CPNE5: variants seen among roughly 807,000 people sequenced by gnomAD.
CPNE5 encodes the protein copine 5, also known as copine-5.
Under a neutral mutation model 81.1 loss-of-function variants are expected in CPNE5, and 42 were observed. That is an observed-to-expected ratio of 0.52 (90% CI 0.40 to 0.67). CPNE5 has a LOEUF of 0.67. Ranked by LOEUF, CPNE5 falls within the 30% of genes least tolerant of loss-of-function variation. CPNE5 has a pLI of 0.00. For missense variants in CPNE5, 612 were observed against 815.5 expected (o/e 0.75, Z 3.04); for synonymous variants, 313 against 321.5 (o/e 0.97, Z 0.28).
At chr6:36,803,335 C>A (rs898226650) in intron 3 of CPNE5, among the ~76,000 whole-genome samples, 8 of 152,170 alleles carry the variant, frequency 5.3e-5, no homozygotes, top group African/African-American at 1.9e-4. Context: ...ACTCCCCACC[C>A]CTCCTGTGTG....
At chr6:36,824,757 GCCA>G (rs1446304128) in intron 1 of CPNE5, among the ~76,000 whole-genome samples, 4 of 152,114 alleles carry the variant, frequency 2.6e-5, no homozygotes, top group African/African-American at 9.7e-5. Context: ...GACCAGCCTG[GCCA>G]ACATGGTGAA....
intron 10 of CPNE5, 112 bp from the exon 11 acceptor site, chr6:36,765,488 G>A: frequency 1.6e-6 from 2 of 1,266,422 alleles, no homozygotes; most frequent in Non-Finnish European, 2.2e-6. Context: ...CTCCCTCTGG[G>A]CCCCAGGGCC....
chr6:36,753,988 C>G (rs1162848629), intron 13 of CPNE5, among the ~76,000 whole-genome samples: 1 of 152,166 alleles, frequency 6.6e-6, no homozygotes, highest in Non-Finnish European at 1.5e-5. Context: ...AGAGCACCAC[C>G]CTTACTTGGC....
At chr6:36,782,686 T>C (rs1768135173) in intron 8 of CPNE5, among the ~76,000 whole-genome samples, 1 of 151,626 alleles carries the variant, frequency 6.6e-6, no homozygotes, top group Admixed American at 6.6e-5. Context: ...CCCAGCTACT[T>C]GGGAAGCTGA....
chr6:36,764,487 C>G (rs1300655494), intron 11 of CPNE5, among the ~76,000 whole-genome samples: 1 of 152,168 alleles, frequency 6.6e-6, no homozygotes, highest in African/African-American at 2.4e-5. Context: ...CCAGCGGACA[C>G]TGGGGGACCT....
rs1004645870 is a variant in CPNE5, at chr6:36,746,037, C to T, written c.1200+359G>A. ...TGCTCCACATCACCCTGGAGATCCA[C>T]GTCATCCCATCTCAGCACTGACTCA... On this transcript the variant is annotated intron_variant, in intron 16 of 20. Coordinates refer to ENST00000244751, the MANE Select transcript of CPNE5 (RefSeq NM_020939.2). This position sits in a 1 kb window ranked among gnomAD's most constrained non-coding sequence, Gnocchi z 4.5. 2 of 346,784 alleles carry T rather than the reference C, an allele frequency of 5.8e-6. No individual in the cohort carries two copies. Among genetic ancestry groups the T allele is most frequent in the African/African-American group, 2.2e-5 (1 of 44,566 alleles). 21.5% of individuals were successfully genotyped at this position (346,784 alleles called of 1,614,324 possible).
chr6:36,796,325 T>C (rs1006028597), intron 6 of CPNE5, among the ~76,000 whole-genome samples: 3 of 152,206 alleles, frequency 2.0e-5, no homozygotes, highest in Non-Finnish European at 4.4e-5. Context: ...TCTCCCTCAA[T>C]ACTCCCCCAC....
At position 36,746,247 on chromosome 6, in the gene CPNE5, GC is replaced by G; in HGVS notation, c.1200+148del. On this transcript the variant is annotated intron_variant, in intron 16 of 20. Transcript: ENST00000244751. The surrounding 1 kb of genome is among the most constrained non-coding windows in gnomAD (Gnocchi z 4.5). ...TCAGGGAAGGGAGTGGATTTCTGGAGCCCCCCTACACACAGCAGGCAGTCTA... is the reference window on the plus strand; with the variant it reads ...TCAGGGAAGGGAGTGGATTTCTGGAGCCCCCTACACACAGCAGGCAGTCTA... 7.2e-7 allele frequency: 1 copy of G among 1,384,780 alleles called. No homozygotes were observed. The highest frequency in any genetic ancestry group is 9.3e-7 in the Non-Finnish European group (1 of 1,075,312). 85.8% of individuals were successfully genotyped at this position (1,384,780 alleles called of 1,614,324 possible). A position where few individuals can be genotyped will look rare whatever the true frequency, so the allele number is the denominator to read the frequency against.
Position 36,746,224 on chromosome 6 carries a change from A to G in CPNE5, c.1200+172T>C, listed in dbSNP as rs1459122150. ...ACATGGAGGGGCAGCATCTGTGATC[A>G]GGGAAGGGAGTGGATTTCTGGAGCC... On this transcript the variant is annotated intron_variant, in intron 16 of 20. Coordinates refer to ENST00000244751, the MANE Select transcript of CPNE5 (RefSeq NM_020939.2). The surrounding 1 kb of genome is among the most constrained non-coding windows in gnomAD (Gnocchi z 4.5). The G allele has an allele frequency of 2.0e-6, 2 of 985,114 alleles. No homozygotes were observed. Among genetic ancestry groups the G allele is most frequent in the African/African-American group, 1.7e-5 (1 of 57,224 alleles). 61.0% of individuals were successfully genotyped at this position (985,114 alleles called of 1,614,324 possible).
intron 14 of CPNE5, among the ~76,000 whole-genome samples, chr6:36,750,236 A>G (rs1045519070): frequency 6.6e-6 from 1 of 152,216 alleles, no homozygotes; most frequent in South Asian, 2.1e-4. Context: ...GAAGGTGCCT[A>G]TCAGAAACCA....
intron 20 of CPNE5, chr6:36,743,209 T>G: frequency 1.0e-6 from 1 of 985,422 alleles, no homozygotes; most frequent in Non-Finnish European, 1.2e-6. Context: ...GAGGGTGCAT[T>G]CTTCCACGTG....
chr6:36,839,803 A>G (rs1773857183), upstream of CPNE5: 2 of 147,800 alleles, frequency 1.4e-5, no homozygotes, highest in African/African-American at 5.1e-5. This position sits in a 1 kb window ranked among gnomAD's most constrained non-coding sequence, Gnocchi z 7.3. Context: ...GGGCGTGAGG[A>G]GCGGGAGGCG....
intron 20 of CPNE5, chr6:36,743,176 G>A: frequency 2.0e-6 from 2 of 985,436 alleles, no homozygotes; most frequent in Non-Finnish European, 2.4e-6. Flanking sequence ...CTCTGCAGGG[G>A]ATGAGTGGGG....
chr6:36,838,307 C>A (rs771548028), intron 1 of CPNE5, among the ~76,000 whole-genome samples: 1 of 152,176 alleles, frequency 6.6e-6, no homozygotes. Flanking sequence ...GAAATGCTGT[C>A]GGTGATCTGG....
At chr6:36,830,438 G>A (rs1014231595) in intron 1 of CPNE5, among the ~76,000 whole-genome samples, 1 of 152,172 alleles carries the variant, frequency 6.6e-6, no homozygotes, top group Admixed American at 6.5e-5. Context: ...GAGGAGAGAA[G>A]CCTTGGCACC....
Position 36,787,729 on chromosome 6 carries a change from A to G in CPNE5, c.528+4304T>C, listed in dbSNP as rs116698615. ...CGCTGGTGACACCTAAGGGGTGGGG[A>G]GGCCCCCGGGGCAGTTATGGTGTGA... On this transcript the variant is annotated intron_variant, in intron 8 of 20. Coordinates refer to ENST00000244751, the MANE Select transcript of CPNE5 (RefSeq NM_020939.2). Among the ~76,000 whole-genome samples, 284 of 152,264 alleles carry G rather than the reference A, an allele frequency of 1.9e-3. 1 individual carries two copies. The highest frequency in any genetic ancestry group is 6.7e-3 in the African/African-American group (277 of 41,566).
chr6:36,792,338 C>T, intron 7 of CPNE5: 2 of 1,521,914 alleles, frequency 1.3e-6, no homozygotes, highest in Admixed American at 4.0e-5. Context: ...CGAGAGCCCA[C>T]CAGGAAGGGT....
intron 12 of CPNE5, chr6:36,757,419 G>A: frequency 1.0e-6 from 1 of 961,822 alleles, no homozygotes; most frequent in Non-Finnish European, 1.2e-6. Context: ...CCAGCAAGAA[G>A]GAAACTAAAG....
At chr6:36,779,150 G>A (rs1462631326) in intron 8 of CPNE5, among the ~76,000 whole-genome samples, 193 bp from the exon 9 acceptor site, 5 of 152,198 alleles carry the variant, frequency 3.3e-5, no homozygotes, top group African/African-American at 1.2e-4. Flanking sequence ...AGCACATGGA[G>A]TCCACAGCTG....
Sources: allele counts gnomAD v4.1 joint callset (sites outside exome capture counted in the v4.1 genomes callset), GRCh38; gene constraint gnomAD v4.1.1; non-coding constraint Gnocchi (gnomAD v3.1); transcripts MANE v1.5; gene names NCBI Gene and HGNC (gene_info 2026-07-23, HGNC 2026-07-21).